Variants in ATG10 observed in about 807,000 individuals in gnomAD.
The protein encoded by ATG10 is autophagy related 10, also known as ubiquitin-like-conjugating enzyme ATG10.
ATG10 carries 30 observed loss-of-function variants against 32.1 expected under a neutral mutation model. That is an observed-to-expected ratio of 0.94 (90% CI 0.70 to 1.27). ATG10 has a LOEUF of 1.27. Ranked by LOEUF, ATG10 falls within the 50% of genes most tolerant of loss-of-function variation. The pLI, the probability that ATG10 is intolerant of heterozygous loss-of-function variation, is 0.00. For synonymous variants in ATG10, 87 were observed against 91.5 expected (o/e 0.95, Z 0.28); for missense variants, 233 against 262.3 (o/e 0.89, Z 0.77).
chr5:82,061,761 C>CAT (rs933334894), intron 3 of ATG10, among the ~76,000 whole-genome samples: 2 of 111,290 alleles, frequency 1.8e-5, no homozygotes, highest in African/African-American at 6.2e-5. Context: ...TGTGTATATA[C>CAT]ATATATATAC....
intron 5 of ATG10, among the ~76,000 whole-genome samples, chr5:82,200,486 T>G (rs1172922339): frequency 2.9e-5 from 4 of 139,946 alleles, no homozygotes; most frequent in South Asian, 2.3e-4. Flanking sequence ...TTTTTTTTTT[T>G]TTTTTGAGGG....
intron 5 of ATG10, among the ~76,000 whole-genome samples, chr5:82,187,084 G>A (rs938877895): frequency 1.3e-5 from 2 of 151,408 alleles, no homozygotes; most frequent in African/African-American, 2.4e-5. Context: ...GAGGTGGGAG[G>A]ATTGCTTGAG....
intron 2 of ATG10, among the ~76,000 whole-genome samples, chr5:81,996,118 TA>T (rs1761656808): frequency 6.6e-6 from 1 of 152,264 alleles, no homozygotes; most frequent in Non-Finnish European, 1.5e-5. Flanking sequence ...GCTTAACTTT[TA>T]TTCTTCTTCC....
chr5:82,048,889 C>A (rs1389308516), intron 2 of ATG10, among the ~76,000 whole-genome samples: 1 of 152,048 alleles, frequency 6.6e-6, no homozygotes, highest in Non-Finnish European at 1.5e-5. Flanking sequence ...ATTAAAAAGT[C>A]AGGAGACAAC....
At chr5:82,087,259 A>G (rs933954840) in intron 3 of ATG10, among the ~76,000 whole-genome samples, 1 of 152,204 alleles carries the variant, frequency 6.6e-6, no homozygotes, top group African/African-American at 2.4e-5. Context: ...TAGAATTGAA[A>G]CTAAGCTAAA....
chr5:82,086,049 A>C (rs1764678181), intron 3 of ATG10, among the ~76,000 whole-genome samples: 1 of 152,302 alleles, frequency 6.6e-6, no homozygotes, highest in Non-Finnish European at 1.5e-5. Context: ...TTGTATTTAA[A>C]AAATTCTTAA....
intron 3 of ATG10, among the ~76,000 whole-genome samples, chr5:82,072,767 T>C (rs558868995): frequency 4.6e-5 from 7 of 152,312 alleles, no homozygotes; most frequent in African/African-American, 1.4e-4. Flanking sequence ...CTTTTACATA[T>C]AAGATGATGT....
intron 3 of ATG10, among the ~76,000 whole-genome samples, chr5:82,128,417 G>A (rs896472659): frequency 1.3e-5 from 2 of 151,956 alleles, no homozygotes; most frequent in African/African-American, 4.8e-5. Context: ...TTTTTGCAGT[G>A]GCTGGTACTG....
intron 3 of ATG10, among the ~76,000 whole-genome samples, chr5:82,160,632 T>C (rs550980139): frequency 6.6e-6 from 1 of 152,332 alleles, no homozygotes; most frequent in South Asian, 2.1e-4. Flanking sequence ...ATGTATGATC[T>C]AGTTTCTCTG....
chr5:82,056,100 A>G (rs2149746732), intron 2 of ATG10, among the ~76,000 whole-genome samples: 1 of 152,332 alleles, frequency 6.6e-6, no homozygotes, highest in East Asian at 1.9e-4. Flanking sequence ...ATGACTGTAT[A>G]TGGTAAATCT....
intron 5 of ATG10, among the ~76,000 whole-genome samples, chr5:82,222,742 G>T (rs1745979081): frequency 3.9e-5 from 6 of 152,198 alleles, no homozygotes; most frequent in Admixed American, 3.9e-4. Flanking sequence ...CCCCAGGTCT[G>T]GGAAGGCAGA....
intron 5 of ATG10, among the ~76,000 whole-genome samples, chr5:82,221,540 C>T (rs943253969): frequency 4.6e-5 from 7 of 152,228 alleles, no homozygotes; most frequent in East Asian, 1.9e-4. Flanking sequence ...ACCTATACAC[C>T]GTGTCTTGGT....
At chr5:82,048,392 C>G (rs1333530059) in intron 2 of ATG10, among the ~76,000 whole-genome samples, 3 of 150,326 alleles carry the variant, frequency 2.0e-5, no homozygotes, top group South Asian at 4.2e-4. Context: ...CTTTTATTTC[C>G]TTGAGCAGTG....
chr5:82,164,661 G>T, intron 4 of ATG10, 124 bp downstream of exon 4: 1 of 960,742 alleles, frequency 1.0e-6, no homozygotes, highest in Non-Finnish European at 1.5e-6. Context: ...CTGTGGGTGA[G>T]GTAAGGTTTT....
At chr5:82,082,878 G>T (rs773858774) in intron 3 of ATG10, among the ~76,000 whole-genome samples, 1 of 152,270 alleles carries the variant, frequency 6.6e-6, no homozygotes, top group East Asian at 1.9e-4. Context: ...TGGGGGGAAG[G>T]TTCCAACATG....
At chr5:82,007,945 CT>C (rs1353064646) in intron 2 of ATG10, among the ~76,000 whole-genome samples, 4 of 151,962 alleles carry the variant, frequency 2.6e-5, no homozygotes, top group Admixed American at 2.6e-4. Flanking sequence ...AGATTCTTTC[CT>C]AAAATTTAGT....
At chr5:82,161,981 A>G (rs1037010916) in intron 3 of ATG10, among the ~76,000 whole-genome samples, 1 of 152,190 alleles carries the variant, frequency 6.6e-6, no homozygotes, top group African/African-American at 2.4e-5. Context: ...AAATGTACAG[A>G]TTTGACTACA....
intron 3 of ATG10, among the ~76,000 whole-genome samples, chr5:82,060,920 G>C (rs774895183): frequency 2.0e-5 from 3 of 152,062 alleles, no homozygotes; most frequent in Non-Finnish European, 4.4e-5. Context: ...TAGAATCCGA[G>C]TATGGTTAAC....
At position 81,981,168 on chromosome 5, in the gene ATG10, C is replaced by CA. The variant is rs530857196; in HGVS notation, c.-12-6388dup. 2.0e-3 allele frequency among the ~76,000 whole-genome samples: 305 copies of CA among 152,302 alleles called. 2 individuals are homozygous for CA. Among genetic ancestry groups the CA allele is most frequent in the Admixed American group, 4.6e-3 (71 of 15,298 alleles). Reference sequence around the variant, plus strand: ...GCCTTCTGTGTCCCACCCAGGCTGCCAAATGTCTTGAAATCCAGGTCTTTT... The same window carrying CA: ...GCCTTCTGTGTCCCACCCAGGCTGCCAAAATGTCTTGAAATCCAGGTCTTTT... On this transcript the variant is annotated intron_variant, in intron 1 of 7. Transcript: ENST00000282185.
Sources: gnomAD v4.1 joint callset for allele counts (sites outside exome capture counted in the v4.1 genomes callset) on GRCh38, gnomAD v4.1.1 for gene constraint, MANE v1.5 for transcripts, NCBI Gene and HGNC (gene_info 2026-07-23, HGNC 2026-07-21) for gene names.